Variants in CFAP54 observed in about 807,000 individuals in gnomAD.
The protein encoded by CFAP54 is cilia and flagella associated protein 54.
Under a neutral mutation model 370.4 loss-of-function variants are expected in CFAP54, and 290 were observed. That is an observed-to-expected ratio of 0.78 (90% CI 0.71 to 0.86). CFAP54 has a LOEUF of 0.86. CFAP54 is among the 40% of genes least tolerant of loss of function. CFAP54 has a pLI of 0.00. For synonymous variants in CFAP54, 1,206 were observed against 1,236.5 expected (o/e 0.98, Z 0.52); for missense variants, 3,399 against 3,528.7 (o/e 0.96, Z 0.93).
At chr12:96,609,694 AT>A in intron 26 of CFAP54, among the ~76,000 whole-genome samples, 1 of 152,314 alleles carries the variant, frequency 6.6e-6, no homozygotes, top group East Asian at 1.9e-4. Flanking sequence ...AATTACTAGG[AT>A]TACAAAGAGA....
intron 66 of CFAP54, 116 bp downstream of exon 66, chr12:96,829,204 T>C (rs1199008557): frequency 2.0e-6 from 1 of 501,464 alleles, no homozygotes; most frequent in African/African-American, 1.9e-5. Flanking sequence ...TCCTTATTAA[T>C]GTGAAAAAGT....
At chr12:96,830,138 G>A (rs985866485) in intron 66 of CFAP54, among the ~76,000 whole-genome samples, 8 of 152,116 alleles carry the variant, frequency 5.3e-5, no homozygotes, top group African/African-American at 1.9e-4. Flanking sequence ...GGACATTTGG[G>A]TTGTTTCCAC....
chr12:96,695,755 A>G (rs914361586), intron 45 of CFAP54, among the ~76,000 whole-genome samples: 2 of 152,200 alleles, frequency 1.3e-5, no homozygotes, highest in African/African-American at 2.4e-5. Flanking sequence ...TCCACTCTCT[A>G]TAGTGTTTAG....
chr12:96,648,732 G>T (rs1043512249), intron 34 of CFAP54, among the ~76,000 whole-genome samples: 1 of 151,954 alleles, frequency 6.6e-6, no homozygotes, highest in African/African-American at 2.4e-5. Flanking sequence ...GGGATTACAG[G>T]CACGTGCCAC....
intron 4 of CFAP54, among the ~76,000 whole-genome samples, chr12:96,511,885 GTTACAA>G (rs1160765977): frequency 2.2e-4 from 33 of 152,310 alleles, no homozygotes; most frequent in Non-Finnish European, 3.8e-4. Flanking sequence ...TAGACTATCT[GTTACAA>G]TTACATGCCT....
intron 25 of CFAP54, 111 bp downstream of exon 25, chr12:96,594,557 A>G (rs769539680): frequency 8.3e-6 from 6 of 720,882 alleles, no homozygotes; most frequent in African/African-American, 1.8e-5. Context: ...TAGGTCAGGA[A>G]TCAGTATTAT....
In CFAP54 at chr12:96,594,530, C is replaced by T. The variant is rs191813665; in HGVS notation, c.3516+84C>T. 2,873 of 1,130,660 alleles carry T rather than the reference C, an allele frequency of 2.5e-3. 13 individuals carry two copies. Among genetic ancestry groups the T allele is most frequent in the Non-Finnish European group, 2.3e-3 (1,901 of 837,132 alleles). 70.0% of individuals were successfully genotyped at this position (1,130,660 alleles called of 1,614,324 possible). A position where few individuals can be genotyped will look rare whatever the true frequency, so the allele number is the denominator to read the frequency against. On this transcript the variant is annotated intron_variant, in intron 25 of 67. Coordinates refer to ENST00000524981, the MANE Select transcript of CFAP54 (RefSeq NM_001306084.2). Reference sequence around the variant, plus strand: ...ATTTTAGAAAAGAAAAGCCATGTATCTCTTATAAAGGGCAAATAGGTCAGG... The same window carrying T: ...ATTTTAGAAAAGAAAAGCCATGTATTTCTTATAAAGGGCAAATAGGTCAGG...
intron 39 of CFAP54, among the ~76,000 whole-genome samples, chr12:96,674,843 T>C (rs1249735103): frequency 1.3e-5 from 2 of 152,204 alleles, no homozygotes; most frequent in Non-Finnish European, 2.9e-5. Flanking sequence ...ACTCAATTTA[T>C]ACCTATTTAA....
chr12:96,721,414 C>G (rs1181848945), intron 50 of CFAP54, among the ~76,000 whole-genome samples: 3 of 152,142 alleles, frequency 2.0e-5, no homozygotes, highest in African/African-American at 7.2e-5. Context: ...CTGCCAGGCT[C>G]TGATCTAGGC....
At chr12:96,507,564 C>G (rs78678145) in intron 4 of CFAP54, among the ~76,000 whole-genome samples, 1 of 142,714 alleles carries the variant, frequency 7.0e-6, no homozygotes, top group Non-Finnish European at 1.6e-5. Flanking sequence ...CACACATACA[C>G]ACACACATAT....
intron 46 of CFAP54, among the ~76,000 whole-genome samples, chr12:96,703,155 A>G (rs2136582075): frequency 6.6e-6 from 1 of 152,326 alleles, no homozygotes; most frequent in South Asian, 2.1e-4. Context: ...TTCCCTTAAA[A>G]GCAGATCCTG....
At chr12:96,571,730 T>G (rs1038222259) in intron 19 of CFAP54, among the ~76,000 whole-genome samples, 3 of 150,090 alleles carry the variant, frequency 2.0e-5, no homozygotes, top group East Asian at 3.9e-4. Flanking sequence ...TGATTTTTTT[T>G]GGGGGATTTT....
rs139701074 is a variant in CFAP54 at position 96,522,273 on chromosome 12, C to G, written c.1158+84C>G. ...CTCCTATGTCTTTCAAGCCTAGTCACTCATTATTAAATTCTGCCCCCAGTT... is the reference window on the plus strand; with the variant it reads ...CTCCTATGTCTTTCAAGCCTAGTCAGTCATTATTAAATTCTGCCCCCAGTT... On this transcript the variant is annotated intron_variant, in intron 8 of 67. Coordinates refer to ENST00000524981, the MANE Select transcript of CFAP54 (RefSeq NM_001306084.2). 1.9e-3 allele frequency: 1,743 copies of G among 931,712 alleles called. 2 individuals are homozygous for G. Among genetic ancestry groups the G allele is most frequent in the Non-Finnish European group, 2.4e-3 (1,524 of 636,582 alleles). 57.7% of individuals were successfully genotyped at this position (931,712 alleles called of 1,614,324 possible).
chr12:96,608,618 C>T (rs568261073), intron 26 of CFAP54, among the ~76,000 whole-genome samples: 37 of 152,046 alleles, frequency 2.4e-4, no homozygotes, highest in Non-Finnish European at 4.4e-4. Context: ...TGCACCACTA[C>T]GCCCGCTTAG....
At chr12:96,648,581 T>G (rs112233041) in intron 34 of CFAP54, among the ~76,000 whole-genome samples, 1 of 10,142 alleles carries the variant, frequency 9.9e-5, no homozygotes, top group African/African-American at 3.3e-4. Context: ...AACAGGGTTC[T>G]TTTTTTTTTT....
chr12:96,499,538 A>G (rs995181619), intron 1 of CFAP54, among the ~76,000 whole-genome samples: 1 of 152,160 alleles, frequency 6.6e-6, no homozygotes. Flanking sequence ...TAGTACAGCC[A>G]CTTTGGAGGA....
At chr12:96,579,701 G>A (rs1030159993) in intron 20 of CFAP54, among the ~76,000 whole-genome samples, 1 of 151,884 alleles carries the variant, frequency 6.6e-6, no homozygotes, top group Admixed American at 6.6e-5. Flanking sequence ...ATACTACCCC[G>A]TCAGGTGTCA....
chr12:96,489,623 G>T lies in CFAP54; in HGVS notation c.14G>T (p.Gly5Val), dbSNP rs1329061049. The T allele has an allele frequency of 5.5e-5, 83 of 1,521,690 alleles. No individual in the cohort carries two copies. Among genetic ancestry groups the T allele is most frequent in the Non-Finnish European group, 7.1e-5 (81 of 1,136,266 alleles). The allele number at this position is 1,521,690 out of a possible 1,614,324, so 94.3% of individuals were successfully genotyped here. A position where few individuals can be genotyped will look rare whatever the true frequency, so the allele number is the denominator to read the frequency against. MAAQ[G>V]SPSSSPSDDS... ...GGGCGCGTCAATATGGCGGCGCAGGGCTCCCCCTCGAGCTCTCCGTCAGAC... is the reference window on the plus strand; with the variant it reads ...GGGCGCGTCAATATGGCGGCGCAGGTCTCCCCCTCGAGCTCTCCGTCAGAC... The change falls in exon 1 of 68, where the codon GGC becomes GTC. Residue 5 changes from glycine to valine, a missense_variant. Gly to Val is a moderately radical substitution (Grantham distance 109). Coordinates refer to ENST00000524981, the MANE Select transcript of CFAP54 (RefSeq NM_001306084.2).
rs1320721287 is a variant in CFAP54, at chr12:96,664,794, T to G, written c.5563+862T>G. On this transcript the variant is annotated intron_variant, in intron 39 of 67. Transcript: ENST00000524981. ...ATCTATATCTATATATATATATATA[T>G]ATATATATATATATATATAGATATA... Among the ~76,000 whole-genome samples, 93 of 36,506 alleles carry G rather than the reference T, an allele frequency of 2.5e-3. 4 individuals are homozygous for G. The highest frequency in any genetic ancestry group is 8.9e-3 in the African/African-American group (86 of 9,618). 23.9% of individuals were successfully genotyped at this position (36,506 alleles called of 152,430 possible).
Sources: gnomAD v4.1 joint callset for allele counts (sites outside exome capture counted in the v4.1 genomes callset) on GRCh38, gnomAD v4.1.1 for gene constraint, MANE v1.5 for transcripts, NCBI Gene and HGNC (gene_info 2026-07-23, HGNC 2026-07-21) for gene names.